SVEP1: variants seen among roughly 807,000 people sequenced by gnomAD.
The protein encoded by SVEP1 is sushi, von Willebrand factor type A, EGF and pentraxin domain containing 1, also known as sushi, von Willebrand factor type A, EGF and pentraxin domain-containing protein 1.
Under a neutral mutation model 367.3 loss-of-function variants are expected in SVEP1, and 164 were observed. The observed-to-expected ratio is 0.45, with a 90% confidence interval of 0.39 to 0.51. The LOEUF is 0.51. SVEP1 is among the 20% of genes least tolerant of loss of function. SVEP1 has a pLI of 0.00. For synonymous variants in SVEP1, 1,666 were observed against 1,611.6 expected, an observed-to-expected ratio of 1.03 and a Z score of -0.81; for missense variants, 4,117 against 4,425.3, an observed-to-expected ratio of 0.93 and a Z score of 1.98.
rs372409135 is a variant in SVEP1 at position 110,387,357 on chromosome 9, T to C, written c.9988A>G (p.Ser3330Gly). The C allele has an allele frequency of 3.1e-5, 50 of 1,613,802 alleles. No homozygotes were observed. In the African/African-American group the frequency reaches 5.6e-4, roughly 18 times the overall value. The change falls in exon 42 of 48, where the codon AGT becomes GGT. Residue 3330 changes from serine (S) to glycine (G), a missense_variant. This residue lies in a region of SVEP1 where 1,765 missense variants were observed against 1,781.1 expected (regional missense o/e 0.99). Transcript: ENST00000374469. ...NVVYSCNRGY[S>G]LEGPSEAHCT... ...TGTGCCTCAGATGGCCCTTCAAGAC[T>C]GTAGCCTCTGTTGCAGGAATATACC...
At chr9:110,467,221 T>C (rs1014600546) in intron 17 of SVEP1, among the ~76,000 whole-genome samples, 1 of 152,182 alleles carries the variant, frequency 6.6e-6, no homozygotes, top group Non-Finnish European at 1.5e-5. Flanking sequence ...CTGAGAATAA[T>C]AGTGAAAATA....
At chr9:110,504,159 A>T (rs1829585819) in intron 5 of SVEP1, among the ~76,000 whole-genome samples, 1 of 151,638 alleles carries the variant, frequency 6.6e-6, no homozygotes, top group Admixed American at 6.6e-5. Flanking sequence ...GGTTCACGCC[A>T]TTCTCCTGCC....
intron 47 of SVEP1, among the ~76,000 whole-genome samples, chr9:110,368,711 A>AT (rs1350692303): frequency 6.6e-6 from 1 of 151,824 alleles, no homozygotes; most frequent in African/African-American, 2.4e-5. Context: ...TTTGGCTCTC[A>AT]TTTTCTTAAA....
intron 36 of SVEP1, among the ~76,000 whole-genome samples, chr9:110,415,371 C>A (rs531731685): frequency 6.6e-6 from 1 of 152,150 alleles, no homozygotes; most frequent in South Asian, 2.1e-4. Context: ...AAGCATGTGG[C>A]TTATATAAGG....
At chr9:110,499,846 C>T (rs1036731543) in intron 6 of SVEP1, among the ~76,000 whole-genome samples, 2 of 152,100 alleles carry the variant, frequency 1.3e-5, no homozygotes, top group African/African-American at 2.4e-5. Context: ...GTGCACACAC[C>T]CATAGGCACA....
chr9:110,395,114 T>A (rs536005896), intron 40 of SVEP1, among the ~76,000 whole-genome samples: 82 of 152,318 alleles, frequency 5.4e-4, no homozygotes, highest in Admixed American at 1.6e-3. Context: ...AAGGTCAGGT[T>A]ACCCACAAAG....
chr9:110,374,882 G>A (rs536782848), intron 46 of SVEP1, among the ~76,000 whole-genome samples: 6 of 151,952 alleles, frequency 3.9e-5, no homozygotes, highest in South Asian at 4.2e-4. Flanking sequence ...GCTCGTGTAT[G>A]TTCATTTCAG....
rs908848592 is a variant in SVEP1, at chr9:110,480,850, G to C, written c.2365+392C>G. Among the ~76,000 whole-genome samples, 126 of 151,516 alleles carry C rather than the reference G, an allele frequency of 8.3e-4. 1 individual carries two copies. The highest frequency in any genetic ancestry group is 3.0e-3 in the African/African-American group (122 of 41,292). Reference sequence around the variant, plus strand: ...GATGGTAGGCTGGTCTCGAACTCTTGGGCTCAAGTGATCCACCCGCCTCAG... The same window carrying C: ...GATGGTAGGCTGGTCTCGAACTCTTCGGCTCAAGTGATCCACCCGCCTCAG... On this transcript the variant is annotated intron_variant, in intron 12 of 47. Transcript: ENST00000374469.
chr9:110,519,026 C>T (rs1302932475), intron 3 of SVEP1, among the ~76,000 whole-genome samples: 1 of 152,206 alleles, frequency 6.6e-6, no homozygotes, highest in Non-Finnish European at 1.5e-5. Flanking sequence ...CTGGTTAGAA[C>T]CTGCTTCAAG....
chr9:110,390,311 ATG>A (rs368800573), intron 40 of SVEP1, among the ~76,000 whole-genome samples: 3 of 25,370 alleles, frequency 1.2e-4, no homozygotes, highest in African/African-American at 4.5e-4. Flanking sequence ...TTATATAAGT[ATG>A]TGTATATATA....
chr9:110,498,935 T>C, intron 7 of SVEP1, 106 bp downstream of exon 7: 3 of 969,594 alleles, frequency 3.1e-6, no homozygotes, highest in Non-Finnish European at 4.4e-6. Context: ...CTAACCATAT[T>C]ATCATGGGTT....
chr9:110,390,004 TACA>T (rs1277119830), intron 40 of SVEP1, among the ~76,000 whole-genome samples: 1 of 136,440 alleles, frequency 7.3e-6, no homozygotes, highest in East Asian at 2.0e-4. Context: ...ATGTGATGTA[TACA>T]CATAAGTGTG....
Position 110,407,785 on chromosome 9 carries a change from G to T in SVEP1, c.7815C>A (p.Ile2605=). 3 of 1,613,968 alleles carry T rather than the reference G, an allele frequency of 1.9e-6. No individual in the cohort carries two copies. The highest frequency in any genetic ancestry group is 2.2e-5 in the South Asian group (2 of 91,080). The change falls in exon 38 of 48, where the codon ATC becomes ATA. Residue 2605 remains isoleucine (I), a synonymous_variant. Transcript: ENST00000374469. Reference sequence around the variant, plus strand: ...CACAGTCTATTGGCATACATGTTGGGATGGAACTTGACCATCCTGACTCTT... The same window carrying T: ...CACAGTCTATTGGCATACATGTTGGTATGGAACTTGACCATCCTGACTCTT... ...TCEESGWSSS[I]PTCMPIDCGL...
rs1830020323 is a variant in SVEP1, at chr9:110,531,687, T to TA, written c.964+14427dup. Among the ~76,000 whole-genome samples the TA allele has an allele frequency of 7.9e-5, 12 of 152,302 alleles. No homozygotes were observed. In the South Asian group the frequency reaches 2.5e-3, roughly 32 times the overall value. On this transcript the variant is annotated intron_variant, in intron 3 of 47. Coordinates refer to ENST00000374469, the MANE Select transcript of SVEP1 (RefSeq NM_153366.4). ...CATTAGAAGTGTGAGAACAGACTAA[T>TA]ACAGCCACCTATGGTAGAAATAGTT...
At chr9:110,489,152 C>G (rs192110478) in intron 9 of SVEP1, among the ~76,000 whole-genome samples, 3 of 152,230 alleles carry the variant, frequency 2.0e-5, no homozygotes, top group African/African-American at 7.2e-5. Context: ...ACAGGGAGTG[C>G]TTTGAGCAAG....
chr9:110,398,285 C>T (rs968500333), intron 40 of SVEP1, among the ~76,000 whole-genome samples: 4 of 152,058 alleles, frequency 2.6e-5, no homozygotes, highest in Non-Finnish European at 5.9e-5. Context: ...AACTGGCTAG[C>T]CATATGTAGA....
chr9:110,408,392 G>C lies in SVEP1; in HGVS notation c.7208C>G (p.Thr2403Ser). ...IPSSALHFGS[T>S]VKYSCVGGFF... is the part of the protein sequence containing the mutation. ...CCCACCTACACAAGAATACTTGACAGTACTTCCAAAATGAAGAGCAGAAGA... is the reference window on the plus strand; with the variant it reads ...CCCACCTACACAAGAATACTTGACACTACTTCCAAAATGAAGAGCAGAAGA... The change falls in exon 38 of 48, where the codon ACT becomes AGT. Residue 2403 changes from threonine to serine, a missense_variant. Thr to Ser is a moderately conservative substitution (Grantham distance 58). Around this residue, in one of 4 missense-constraint regions of SVEP1, gnomAD observed 1,765 missense variants for 1,781.1 expected, o/e 0.99. Coordinates refer to ENST00000374469, the MANE Select transcript of SVEP1 (RefSeq NM_153366.4). 6.2e-7 allele frequency: 1 copy of C among 1,613,958 alleles called. No homozygotes were observed. Among genetic ancestry groups the C allele is most frequent in the African/African-American group, 1.3e-5 (1 of 75,054 alleles).
At chr9:110,530,025 T>C (rs1026022520) in intron 3 of SVEP1, among the ~76,000 whole-genome samples, 38 of 152,298 alleles carry the variant, frequency 2.5e-4, no homozygotes, top group Admixed American at 3.9e-4. Context: ...TTGTGTTATG[T>C]TCCTTTTATG....
intron 37 of SVEP1, 46 bp downstream of exon 37, chr9:110,411,017 G>C (rs546271543): frequency 2.8e-5 from 42 of 1,479,586 alleles, no homozygotes; most frequent in Non-Finnish European, 3.5e-5. Context: ...ATTTATTATG[G>C]GCCCTGTGAC....
Sources: allele counts gnomAD v4.1 joint callset (sites outside exome capture counted in the v4.1 genomes callset), GRCh38; gene constraint gnomAD v4.1.1; regional missense constraint gnomAD v4.1.1; transcripts MANE v1.5; gene names NCBI Gene and HGNC (gene_info 2026-07-23, HGNC 2026-07-21).